PTPRM: variants seen among roughly 807,000 people sequenced by gnomAD.
The protein encoded by PTPRM is receptor-type tyrosine-protein phosphatase mu.
In PTPRM, 47 loss-of-function variants were observed where a neutral mutation model predicts 186.7. That is an observed-to-expected ratio of 0.25 (90% CI 0.20 to 0.32). PTPRM has a LOEUF of 0.32. Ranked by LOEUF, PTPRM falls within the 10% of genes least tolerant of loss-of-function variation. The probability of loss-of-function intolerance (pLI) is 1.00; values close to 1 mark genes in which losing one functional copy is unlikely to be tolerated. For synonymous variants in PTPRM, 668 were observed against 674.9 expected (o/e 0.99, Z 0.16); for missense variants, 1,494 against 1,865.0 (o/e 0.80, Z 3.66).
At chr18:7,813,876 GT>G (rs1225616115) in intron 2 of PTPRM, among the ~76,000 whole-genome samples, 6 of 151,388 alleles carry the variant, frequency 4.0e-5, no homozygotes, top group African/African-American at 1.5e-4. Flanking sequence ...ACCAAATGTT[GT>G]TTTTCCTCAT....
intron 7 of PTPRM, among the ~76,000 whole-genome samples, chr18:8,063,766 T>C (rs971051478): frequency 6.6e-6 from 1 of 152,206 alleles, no homozygotes; most frequent in African/African-American, 2.4e-5. Context: ...ATTCTCAAAA[T>C]ATTTATCCTG....
At chr18:7,914,755 T>C (rs956319588) in intron 4 of PTPRM, among the ~76,000 whole-genome samples, 2 of 152,272 alleles carry the variant, frequency 1.3e-5, no homozygotes, top group East Asian at 1.9e-4. Context: ...ATTCCAAAAA[T>C]GTTTGCAAAA....
chr18:7,867,162 C>T (rs1431223193), intron 2 of PTPRM, among the ~76,000 whole-genome samples: 1 of 152,194 alleles, frequency 6.6e-6, no homozygotes, highest in Non-Finnish European at 1.5e-5. Context: ...GTTTATCAGT[C>T]TGTGCCTTTT....
At chr18:8,164,536 G>T (rs906689871) in intron 14 of PTPRM, among the ~76,000 whole-genome samples, 9 of 152,178 alleles carry the variant, frequency 5.9e-5, no homozygotes, top group Admixed American at 2.6e-4. Flanking sequence ...AGGAAATCCT[G>T]ACACATGCTA....
intron 1 of PTPRM, among the ~76,000 whole-genome samples, chr18:7,653,297 C>G (rs2038766168): frequency 6.6e-6 from 1 of 151,938 alleles, no homozygotes; most frequent in African/African-American, 2.4e-5. Flanking sequence ...CAGGCATGCA[C>G]CACCACACTT....
intron 2 of PTPRM, among the ~76,000 whole-genome samples, chr18:7,790,906 T>G (rs1056238578): frequency 6.6e-6 from 1 of 151,728 alleles, no homozygotes; most frequent in African/African-American, 2.4e-5. Context: ...TGAAAGTTGG[T>G]TTTAAAAAAA....
chr18:7,568,254 C>G lies in PTPRM; in HGVS notation c.73+363C>G, dbSNP rs1448778512. The stretch of plus-strand genomic sequence containing the variant: ...AGCAGAAAACTTTGCTTGAAGTTCC[C>G]AGTTGCAGCCGCCGGGCCGCCTGGC... On this transcript the variant is annotated intron_variant, in intron 1 of 32. Coordinates refer to ENST00000580170, the MANE Select transcript of PTPRM (RefSeq NM_001105244.2). The surrounding 1 kb of genome is among the most constrained non-coding windows in gnomAD (Gnocchi z 5.1). 1.3e-5 allele frequency among the ~76,000 whole-genome samples: 2 copies of G among 151,830 alleles called. No homozygotes were observed. The highest frequency in any genetic ancestry group is 6.6e-5 in the Admixed American group (1 of 15,252).
At chr18:7,574,242 G>C (rs1475107479) in intron 1 of PTPRM, among the ~76,000 whole-genome samples, 1 of 152,200 alleles carries the variant, frequency 6.6e-6, no homozygotes, top group Non-Finnish European at 1.5e-5. Flanking sequence ...GCCAGACACT[G>C]GGGAAGAGAC....
In PTPRM at chr18:7,860,079, A is replaced by T. The variant is rs796866827; in HGVS notation, c.197-28027A>T. On this transcript the variant is annotated intron_variant, in intron 2 of 32. Transcript: ENST00000580170. ...TTTATTTTTTAAATGTTTTTATTTT[A>T]TTTTTTTTTTTGAGACAGAGTCTCG... Among the ~76,000 whole-genome samples, 378 of 147,890 alleles carry T rather than the reference A, an allele frequency of 2.6e-3. 6 individuals are homozygous for T. The highest frequency in any genetic ancestry group is 8.6e-3 in the African/African-American group (349 of 40,358).
At chr18:8,246,876 G>A (rs1445532320) in intron 15 of PTPRM, among the ~76,000 whole-genome samples, 1 of 152,118 alleles carries the variant, frequency 6.6e-6, no homozygotes, top group Non-Finnish European at 1.5e-5. Flanking sequence ...TATGTCATCA[G>A]AATAATTACC....
At chr18:7,635,351 C>T (rs1038392923) in intron 1 of PTPRM, among the ~76,000 whole-genome samples, 3 of 152,080 alleles carry the variant, frequency 2.0e-5, no homozygotes, top group Non-Finnish European at 2.9e-5. Flanking sequence ...TGCTCTTCCA[C>T]CAGGTAAGTA....
intron 11 of PTPRM, among the ~76,000 whole-genome samples, chr18:8,091,237 C>T (rs1568325862): frequency 6.6e-6 from 1 of 152,146 alleles, no homozygotes; most frequent in Non-Finnish European, 1.5e-5. Context: ...CCCTCTTTTA[C>T]AGTTGTCATA....
chr18:8,138,699 C>T (rs2092695001), intron 13 of PTPRM, among the ~76,000 whole-genome samples: 2 of 152,284 alleles, frequency 1.3e-5, no homozygotes, highest in Admixed American at 6.5e-5. Context: ...CATCAGCCCT[C>T]GTGGTTCTGC....
chr18:7,970,631 G>A (rs1378353982), intron 7 of PTPRM, among the ~76,000 whole-genome samples: 1 of 92,652 alleles, frequency 1.1e-5, no homozygotes, highest in Non-Finnish European at 2.0e-5. Context: ...CAAAATCAAT[G>A]TACAAAAATC....
intron 3 of PTPRM, among the ~76,000 whole-genome samples, chr18:7,897,228 T>A (rs1291703508): frequency 6.6e-6 from 1 of 152,236 alleles, no homozygotes; most frequent in Non-Finnish European, 1.5e-5. Flanking sequence ...GGTGCCCAGC[T>A]GGAGCCAGAA....
At chr18:7,980,458 C>A (rs536222786) in intron 7 of PTPRM, among the ~76,000 whole-genome samples, 175 of 152,124 alleles carry the variant, frequency 1.2e-3, no homozygotes, top group African/African-American at 3.9e-3. Context: ...GATCACAGCT[C>A]ACTGCGCCTC....
At chr18:7,665,847 G>A (rs1348610903) in intron 1 of PTPRM, among the ~76,000 whole-genome samples, 3 of 151,960 alleles carry the variant, frequency 2.0e-5, no homozygotes, top group Non-Finnish European at 4.4e-5. Context: ...GCTTGAACCC[G>A]GGAGGCGGAG....
At chr18:8,390,061 G>A (rs2095801389) in intron 31 of PTPRM, among the ~76,000 whole-genome samples, 1 of 152,226 alleles carries the variant, frequency 6.6e-6, no homozygotes, top group African/African-American at 2.4e-5. Flanking sequence ...GCTGCCGAAA[G>A]TATTAGGTGC....
At chr18:7,996,127 G>T (rs1451352961) in intron 7 of PTPRM, among the ~76,000 whole-genome samples, 1 of 151,936 alleles carries the variant, frequency 6.6e-6, no homozygotes, top group African/African-American at 2.4e-5. Flanking sequence ...GGTAGGTAAA[G>T]CATGTTGAAG....
Sources: allele counts gnomAD v4.1 joint callset (sites outside exome capture counted in the v4.1 genomes callset), GRCh38; gene constraint gnomAD v4.1.1; non-coding constraint Gnocchi (gnomAD v3.1); transcripts MANE v1.5; gene names NCBI Gene and HGNC (gene_info 2026-07-23, HGNC 2026-07-21).